KLHDC4: variants seen among roughly 807,000 people sequenced by gnomAD.
KLHDC4 encodes kelch domain containing 4.
Under a neutral mutation model 62.4 loss-of-function variants are expected in KLHDC4, and 90 were observed. The observed-to-expected ratio is 1.44, with a 90% CI of 1.22 to 1.72. The LOEUF (loss-of-function observed/expected upper bound fraction) is 1.72. Among genes scored for constraint, KLHDC4 ranks in the 40% most tolerant of loss-of-function variants. The pLI is 0.00. For missense variants in KLHDC4, 1,025 were observed against 699.7 expected (o/e 1.47, Z -5.25); for synonymous variants, 386 against 284.4 (o/e 1.36, Z -3.59).
Position 87,748,656 on chromosome 16 carries a change from C to T in KLHDC4, c.506+17G>A. On this transcript the variant is annotated intron_variant, in intron 5 of 11. Coordinates refer to ENST00000270583, the MANE Select transcript of KLHDC4 (RefSeq NM_017566.4). Reference sequence around the variant, plus strand: ...AAGAGCCATGCCCGGAGCTCAGCTTCTCATCTGGCTTCTTACTTGACTTGT... The same window carrying T: ...AAGAGCCATGCCCGGAGCTCAGCTTTTCATCTGGCTTCTTACTTGACTTGT... 1 of 1,613,612 alleles carries T rather than the reference C, an allele frequency of 6.2e-7. No homozygotes were observed. The highest frequency in any genetic ancestry group is 8.5e-7 in the Non-Finnish European group (1 of 1,179,876).
chr16:87,718,450 G>A (rs920919315), intron 7 of KLHDC4, among the ~76,000 whole-genome samples: 38 of 150,396 alleles, frequency 2.5e-4, no homozygotes, highest in Admixed American at 4.6e-4. Flanking sequence ...CCGCCATCTC[G>A]GCTCACTGCA....
chr16:87,703,118 T>C (rs1182174025), downstream of KLHDC4: 1 of 152,240 alleles, frequency 6.6e-6, no homozygotes, highest in Non-Finnish European at 1.5e-5. Context: ...GCTGCAGAGC[T>C]GCGCAATGGA....
chr16:87,703,927 C>T (rs534361784), downstream of KLHDC4, among the ~76,000 whole-genome samples: 9 of 152,158 alleles, frequency 5.9e-5, 1 homozygote, highest in South Asian at 6.2e-4. Flanking sequence ...GCTATGAAAA[C>T]GAGACTGGCC....
intron 4 of KLHDC4, among the ~76,000 whole-genome samples, chr16:87,754,174 C>G (rs1048395332): frequency 6.6e-6 from 1 of 151,652 alleles, no homozygotes; most frequent in African/African-American, 2.4e-5. Flanking sequence ...ATGTAGAAGG[C>G]ACCTTAGCCA....
At chr16:87,746,792 G>A (rs954449051) in intron 5 of KLHDC4, among the ~76,000 whole-genome samples, 1 of 152,212 alleles carries the variant, frequency 6.6e-6, no homozygotes, top group Non-Finnish European at 1.5e-5. Context: ...TTGTATGTTT[G>A]CAGGATCACT....
chr16:87,765,672 G>A (rs1056624235), intron 1 of KLHDC4, 120 bp downstream of exon 1: 3 of 958,852 alleles, frequency 3.1e-6, no homozygotes, highest in African/African-American at 1.7e-5. Context: ...ACGGCCTCCA[G>A]CTCTCCCGCA....
chr16:87,726,190 G>A (rs1347666847), intron 7 of KLHDC4, among the ~76,000 whole-genome samples: 2 of 150,294 alleles, frequency 1.3e-5, no homozygotes, highest in East Asian at 2.0e-4. Flanking sequence ...CAACTCACCC[G>A]TCTCCCCACC....
intron 1 of KLHDC4, among the ~76,000 whole-genome samples, chr16:87,763,084 G>A (rs758118259): frequency 2.0e-5 from 3 of 152,124 alleles, no homozygotes; most frequent in South Asian, 2.1e-4. Context: ...TATTCTAAAC[G>A]ATGCAATATT....
intron 4 of KLHDC4, 89 bp from the exon 5 acceptor site, chr16:87,748,898 A>G: frequency 6.8e-7 from 1 of 1,472,262 alleles, no homozygotes; most frequent in Non-Finnish European, 9.2e-7. Flanking sequence ...GCGCTTCAGT[A>G]CTATCTCGGA....
rs1018890546 is a variant in KLHDC4, at chr16:87,701,260, C to T, written c.*379G>A. ...GCTGGCACCTGGCGCTGGCTGCAGA[C>T]GGGAAGTCAACGCCACCAAAGCAGA... On this transcript the variant is annotated 3_prime_UTR_variant, in exon 1 of 1. Transcript: ENST00000446344. 1.1e-4 allele frequency: 26 copies of T among 232,016 alleles called. No individual in the cohort carries two copies. The East Asian group carries it at 1.6e-3, about 14-fold the overall frequency. 14.4% of individuals were successfully genotyped at this position (232,016 alleles called of 1,614,324 possible).
At chr16:87,746,346 C>A (rs1414458024) in intron 5 of KLHDC4, among the ~76,000 whole-genome samples, 2 of 151,230 alleles carry the variant, frequency 1.3e-5, no homozygotes, top group African/African-American at 4.9e-5. Context: ...AAAGACAAGA[C>A]CACAAAGAGA....
downstream of KLHDC4, among the ~76,000 whole-genome samples, chr16:87,703,994 A>C (rs74039481): frequency 0.042 from 6,350 of 152,326 alleles, 461 homozygotes; most frequent in African/African-American, 0.14. Flanking sequence ...AGCAGCGGTC[A>C]CTAGCAAGTT....
chr16:87,764,171 G>C (rs2046273051), intron 1 of KLHDC4, among the ~76,000 whole-genome samples: 1 of 152,208 alleles, frequency 6.6e-6, no homozygotes, highest in Non-Finnish European at 1.5e-5. Flanking sequence ...CTGAATTTAA[G>C]AAAGAGATGA....
intron 7 of KLHDC4, among the ~76,000 whole-genome samples, chr16:87,726,045 C>T (rs1470959423): frequency 6.6e-6 from 1 of 152,056 alleles, no homozygotes; most frequent in African/African-American, 2.4e-5. Context: ...ACAGAGGAGC[C>T]GATTAACACT....
chr16:87,761,624 C>T (rs1332421179), intron 2 of KLHDC4, among the ~76,000 whole-genome samples: 1 of 152,216 alleles, frequency 6.6e-6, no homozygotes, highest in Non-Finnish European at 1.5e-5. Flanking sequence ...GCCTACAGTA[C>T]GCACTTTTAA....
At position 87,759,639 on chromosome 16, in the gene KLHDC4, C is replaced by T. The variant is rs532161717; in HGVS notation, c.191+2310G>A. On this transcript the variant is annotated intron_variant, in intron 2 of 11. Transcript: ENST00000270583. ...TGCATGCCTATTGTCCCAGCTACTC[C>T]GGAGGCTGAGGCAGGAGAATCACTT... Among the ~76,000 whole-genome samples the T allele has an allele frequency of 5.9e-5, 9 of 151,530 alleles. No individual in the cohort carries two copies. In the East Asian group the frequency reaches 1.2e-3, roughly 20 times the overall value.
At chr16:87,764,693 G>A (rs962017815) in intron 1 of KLHDC4, among the ~76,000 whole-genome samples, 4 of 139,690 alleles carry the variant, frequency 2.9e-5, no homozygotes, top group Admixed American at 7.4e-5. Flanking sequence ...GCAGCTAACA[G>A]CTGGTTACTG....
At chr16:87,750,965 A>G (rs1188673741) in intron 4 of KLHDC4, 1 of 152,238 alleles carries the variant, frequency 6.6e-6, no homozygotes, top group Non-Finnish European at 1.5e-5. Flanking sequence ...TACAGCAGAC[A>G]TGATGACTGG....
downstream of KLHDC4, among the ~76,000 whole-genome samples, chr16:87,706,920 C>G (rs879383312): frequency 6.6e-6 from 1 of 152,234 alleles, no homozygotes; most frequent in Non-Finnish European, 1.5e-5. Context: ...TTCTAGCCCT[C>G]TCCCAGCGGT....
Sources: allele counts gnomAD v4.1 joint callset (sites outside exome capture counted in the v4.1 genomes callset), GRCh38; gene constraint gnomAD v4.1.1; transcripts MANE v1.5; gene names NCBI Gene and HGNC (gene_info 2026-07-23, HGNC 2026-07-21).